The following MLIP variants were observed in gnomAD, a reference collection of about 807,000 sequenced individuals.
MLIP encodes muscular LMNA-interacting protein.
In MLIP, 79 loss-of-function variants were observed where a neutral mutation model predicts 84.8. The ratio of observed to expected loss-of-function variants is 0.93; its 90% CI spans 0.78 to 1.12. The LOEUF is 1.12. Ranked by LOEUF, MLIP falls within the 50% of genes most tolerant of loss-of-function variation. The pLI, the probability that MLIP is intolerant of heterozygous loss-of-function variation, is 0.00. For missense variants in MLIP, 1,257 were observed against 1,160.6 expected, an observed-to-expected ratio of 1.08 and a Z score of -1.21; for synonymous variants, 504 against 463.0, an observed-to-expected ratio of 1.09 and a Z score of -1.14.
At chr6:54,170,787 T>TTTTCC (rs978792976) in intron 9 of MLIP, among the ~76,000 whole-genome samples, 2 of 151,644 alleles carry the variant, frequency 1.3e-5, no homozygotes, top group Admixed American at 6.6e-5. Flanking sequence ...AACTAAAAGC[T>TTTTCC]TTTCCTTTCC....
chr6:54,099,303 T>A (rs1480592279), intron 1 of MLIP, among the ~76,000 whole-genome samples: 1 of 152,174 alleles, frequency 6.6e-6, no homozygotes, highest in East Asian at 1.9e-4. Context: ...TGGACCTTAG[T>A]AAATGTCTCC....
At chr6:54,055,593 C>A (rs982462817) in intron 1 of MLIP, among the ~76,000 whole-genome samples, 3 of 152,138 alleles carry the variant, frequency 2.0e-5, no homozygotes, top group Non-Finnish European at 4.4e-5. Context: ...ATTTTTCAGG[C>A]ACTGTTTAAA....
chr6:54,114,992 G>A (rs1769787007), intron 1 of MLIP, among the ~76,000 whole-genome samples: 1 of 152,188 alleles, frequency 6.6e-6, no homozygotes, highest in Admixed American at 6.5e-5. Context: ...AGGAAACAAA[G>A]TCATCAGCTC....
chr6:54,193,422 T>C (rs891479828), intron 10 of MLIP, among the ~76,000 whole-genome samples: 14 of 152,196 alleles, frequency 9.2e-5, no homozygotes, highest in Admixed American at 8.5e-4. Flanking sequence ...AGAGATATTA[T>C]GAGCAGCCAT....
At chr6:54,088,971 T>TA (rs142557887) in intron 1 of MLIP, among the ~76,000 whole-genome samples, 1,587 of 152,198 alleles carry the variant, frequency 0.01, 28 homozygotes, top group African/African-American at 0.037. Flanking sequence ...TTGAGGTCTA[T>TA]AGCAAAGAAT....
intron 12 of MLIP, among the ~76,000 whole-genome samples, chr6:54,235,342 CT>C (rs1781291947): frequency 6.6e-6 from 1 of 152,150 alleles, no homozygotes; most frequent in African/African-American, 2.4e-5. Context: ...GTTCTCCTTG[CT>C]TACACAAACC....
intron 9 of MLIP, among the ~76,000 whole-genome samples, chr6:54,182,632 ATTTCATTCTAT>A (rs1392755246): frequency 2.0e-5 from 3 of 152,030 alleles, no homozygotes; most frequent in African/African-American, 7.2e-5. Context: ...TTAACATTCT[ATTTCATTCTAT>A]TTTCATTCTA....
intron 1 of MLIP, among the ~76,000 whole-genome samples, chr6:54,086,131 A>C (rs1202424875): frequency 1.3e-5 from 2 of 152,148 alleles, no homozygotes; most frequent in Non-Finnish European, 2.9e-5. Context: ...CCACCTCTGC[A>C]TGTGTGTTCA....
intron 4 of MLIP, among the ~76,000 whole-genome samples, chr6:54,144,921 C>G (rs902130636): frequency 1.3e-5 from 2 of 152,218 alleles, no homozygotes; most frequent in African/African-American, 2.4e-5. Flanking sequence ...TCCTTACCTT[C>G]AAACCCAGAA....
chr6:54,204,792 A>T (rs1156326068), intron 11 of MLIP, among the ~76,000 whole-genome samples: 1 of 152,222 alleles, frequency 6.6e-6, no homozygotes, highest in African/African-American at 2.4e-5. Flanking sequence ...TTATTTCTAA[A>T]TACTTGGCTG....
At chr6:54,248,803 G>C (rs1782259401) in intron 12 of MLIP, among the ~76,000 whole-genome samples, 1 of 152,070 alleles carries the variant, frequency 6.6e-6, no homozygotes, top group Non-Finnish European at 1.5e-5. Flanking sequence ...TTAGAATTGA[G>C]ACTCCAATAT....
chr6:54,187,323 G>T (rs1388976863), intron 9 of MLIP, among the ~76,000 whole-genome samples: 3 of 151,952 alleles, frequency 2.0e-5, no homozygotes, highest in Admixed American at 6.6e-5. Flanking sequence ...AAAATAAAAA[G>T]CACACAAAAT....
intron 1 of MLIP, among the ~76,000 whole-genome samples, chr6:54,111,936 C>G (rs1769500524): frequency 6.6e-6 from 1 of 152,180 alleles, no homozygotes; most frequent in Non-Finnish European, 1.5e-5. Flanking sequence ...AGCAAAGGAG[C>G]TGTTAGCCTG....
rs1337083709 is a variant in MLIP, at chr6:54,136,908, C to A, written c.839C>A (p.Thr280Asn). Residue 280 changes from threonine to asparagine, a missense_variant, in exon 4 of 14, where the codon ACT becomes AAT. Thr to Asn is a moderately conservative substitution (Grantham distance 65, BLOSUM62 0). Coordinates refer to ENST00000502396, the MANE Select transcript of MLIP (RefSeq NM_001281747.2). ...VVEESATYFQ[T>N]TAHSTPFSAS... is the part of the protein sequence containing the mutation. ...GAAGAATCAGCTACGTATTTTCAAA[C>A]TACCGCTCACTCTACACCCTTTTCT... 7 of 1,535,834 alleles carry A rather than the reference C, an allele frequency of 4.6e-6. No homozygotes were observed. The Middle Eastern group carries it at 5.0e-4, about 110-fold the overall frequency.
chr6:54,038,955 C>T (rs1048124954), intron 1 of MLIP, among the ~76,000 whole-genome samples: 3 of 151,780 alleles, frequency 2.0e-5, no homozygotes, highest in African/African-American at 7.2e-5. Context: ...ACATTCTCGC[C>T]AAAGACATCA....
At chr6:54,114,957 A>G (rs564608849) in intron 1 of MLIP, among the ~76,000 whole-genome samples, 11 of 152,124 alleles carry the variant, frequency 7.2e-5, no homozygotes, top group Non-Finnish European at 1.5e-4. Context: ...TTCTTTTCTG[A>G]TTGCTTCCGT....
At chr6:54,090,944 A>G (rs986385678) in intron 1 of MLIP, among the ~76,000 whole-genome samples, 4 of 152,108 alleles carry the variant, frequency 2.6e-5, no homozygotes, top group Admixed American at 2.6e-4. Flanking sequence ...TCATGTTTTT[A>G]TGGGGGCTAT....
rs1781471567 is a variant in MLIP at position 54,237,835 on chromosome 6, G to A, written c.2922+6918G>A. The stretch of plus-strand genomic sequence containing the variant: ...ACTGCATTCTCGGCTGTGCAACAAA[G>A]TGAGACCCTGTCACAAAAGCAAACA... On this transcript the variant is annotated intron_variant, in intron 12 of 13. Coordinates refer to ENST00000502396, the MANE Select transcript of MLIP (RefSeq NM_001281747.2). 2.6e-5 allele frequency among the ~76,000 whole-genome samples: 4 copies of A among 152,142 alleles called. No individual in the cohort carries two copies. The South Asian group carries it at 8.3e-4, about 32-fold the overall frequency.
At chr6:54,109,224 C>CTT (rs78101716), upstream of MLIP, among the ~76,000 whole-genome samples, 59 of 150,956 alleles carry the variant, frequency 3.9e-4, no homozygotes, top group African/African-American at 7.0e-4. Context: ...ATTTAACCTA[C>CTT]TTTTTTTTGT....
Sources: allele counts gnomAD v4.1 joint callset (sites outside exome capture counted in the v4.1 genomes callset), GRCh38; gene constraint gnomAD v4.1.1; transcripts MANE v1.5; gene names NCBI Gene and HGNC (gene_info 2026-07-23, HGNC 2026-07-21).